The following KIF5C variants were observed in gnomAD, a reference collection of about 807,000 sequenced individuals.
KIF5C encodes kinesin family member 5C, also known as kinesin heavy chain isoform 5C.
In KIF5C, 18 loss-of-function variants were observed where a neutral mutation model predicts 125.2. The observed-to-expected ratio is 0.14, with a 90% CI of 0.10 to 0.21. The LOEUF (loss-of-function observed/expected upper bound fraction) is 0.21. KIF5C is among the 10% of genes least tolerant of loss of function. The probability of loss-of-function intolerance (pLI) is 1.00; values close to 1 mark genes in which losing one functional copy is unlikely to be tolerated. For synonymous variants in KIF5C, 405 were observed against 434.0 expected, an observed-to-expected ratio of 0.93 and a Z score of 0.83; for missense variants, 780 against 1,183.8, an observed-to-expected ratio of 0.66 and a Z score of 5.01.
intron 1 of KIF5C, among the ~76,000 whole-genome samples, chr2:148,882,400 C>T (rs1681391233): frequency 6.6e-6 from 1 of 152,192 alleles, no homozygotes; most frequent in South Asian, 2.1e-4. Context: ...TGTTGTCCGG[C>T]TGATTAATCT....
At chr2:148,973,655 A>G in intron 12 of KIF5C, 144 bp downstream of exon 12, 1 of 1,209,766 alleles carries the variant, frequency 8.3e-7, no homozygotes, top group Non-Finnish European at 1.1e-6. Flanking sequence ...TTGATGGTGC[A>G]GATTCAGGGA....
chr2:148,962,461 G>A (rs557233060), intron 11 of KIF5C, among the ~76,000 whole-genome samples: 78 of 152,042 alleles, frequency 5.1e-4, no homozygotes, highest in Non-Finnish European at 1.1e-3. Flanking sequence ...TTATAAACGT[G>A]AGCCACCGTG....
chr2:148,900,348 C>T (rs1680847916), intron 1 of KIF5C, among the ~76,000 whole-genome samples: 1 of 152,200 alleles, frequency 6.6e-6, no homozygotes, highest in East Asian at 1.9e-4. Context: ...GTGATCTAGT[C>T]ATGTAGGGAA....
intron 10 of KIF5C, 26 bp downstream of exon 10, chr2:148,950,488 C>G: frequency 6.2e-7 from 1 of 1,606,764 alleles, no homozygotes; most frequent in Non-Finnish European, 8.5e-7. Flanking sequence ...CAGGACCCAT[C>G]CTCTGTGCTA....
intron 1 of KIF5C, among the ~76,000 whole-genome samples, chr2:148,890,120 TG>T: frequency 6.6e-6 from 1 of 152,308 alleles, no homozygotes; most frequent in Non-Finnish European, 1.5e-5. Flanking sequence ...AACTGGTTTG[TG>T]AAAAATTTAC....
intron 1 of KIF5C, among the ~76,000 whole-genome samples, chr2:148,920,316 T>C (rs1248622405): frequency 6.6e-6 from 1 of 152,242 alleles, no homozygotes; most frequent in Non-Finnish European, 1.5e-5. Context: ...AGACAAACTC[T>C]GCAAATATTT....
chr2:148,991,642 T>C (rs1164962851), intron 16 of KIF5C, among the ~76,000 whole-genome samples: 2 of 152,178 alleles, frequency 1.3e-5, no homozygotes, highest in Admixed American at 6.5e-5. Flanking sequence ...GCTAAGTACT[T>C]CACATGCATT....
chr2:148,922,269 A>C lies in KIF5C; in HGVS notation c.217+42A>C, dbSNP rs372205595. 3.0e-6 allele frequency: 4 copies of C among 1,323,798 alleles called. No individual in the cohort carries two copies. The African/African-American group carries it at 5.8e-5, about 19-fold the overall frequency. The allele number at this position is 1,323,798 out of a possible 1,614,324, so 82.0% of individuals were successfully genotyped here. ...TATTTCCTCCTGGGCCATTCAGAGTAATTGAAAGCATTAAGTGATATTTGC... is the reference window on the plus strand; with the variant it reads ...TATTTCCTCCTGGGCCATTCAGAGTCATTGAAAGCATTAAGTGATATTTGC... On this transcript the variant is annotated intron_variant, in intron 2 of 25. Coordinates refer to ENST00000435030, the MANE Select transcript of KIF5C (RefSeq NM_004522.3).
intron 18 of KIF5C, 158 bp from the exon 19 acceptor site, chr2:148,998,242 G>T (rs1006545405): frequency 9.7e-6 from 12 of 1,233,034 alleles, no homozygotes; most frequent in Middle Eastern, 4.0e-4. Flanking sequence ...ATAAAGCAAG[G>T]CCGGGTCCTG....
chr2:148,977,721 G>A (rs1681114411), intron 12 of KIF5C, among the ~76,000 whole-genome samples: 1 of 152,172 alleles, frequency 6.6e-6, no homozygotes, highest in Non-Finnish European at 1.5e-5. Flanking sequence ...AAAGGACAAG[G>A]AGATTCAGAT....
intron 1 of KIF5C, among the ~76,000 whole-genome samples, chr2:148,917,839 T>C (rs1186783762): frequency 1.3e-5 from 2 of 152,242 alleles, no homozygotes; most frequent in South Asian, 4.1e-4. Context: ...GGCAGCCTTA[T>C]GCTACAATTC....
chr2:148,914,391 G>C (rs898171766), intron 1 of KIF5C, among the ~76,000 whole-genome samples: 1 of 152,232 alleles, frequency 6.6e-6, no homozygotes, highest in African/African-American at 2.4e-5. Flanking sequence ...CTTTATGCCT[G>C]TTAGCCAGGC....
intron 2 of KIF5C, among the ~76,000 whole-genome samples, chr2:148,925,614 A>G (rs1681960719): frequency 6.6e-6 from 1 of 152,130 alleles, no homozygotes; most frequent in African/African-American, 2.4e-5. Context: ...GGCTTGTCAG[A>G]CTGACTGACT....
intron 1 of KIF5C, 126 bp from the exon 2 acceptor site, chr2:148,922,011 C>A: frequency 1.8e-6 from 1 of 569,612 alleles, no homozygotes; most frequent in Non-Finnish European, 3.1e-6. Context: ...TGGTAATGAA[C>A]TGCCTTAAAG....
At chr2:148,999,359 C>A (rs1232297439) in intron 19 of KIF5C, among the ~76,000 whole-genome samples, 1 of 150,848 alleles carries the variant, frequency 6.6e-6, no homozygotes, top group Non-Finnish European at 1.5e-5. Flanking sequence ...GGTCACATTG[C>A]TAAATAGGAA....
Position 148,964,873 on chromosome 2 carries a change from A to G in KIF5C, c.1117+2754A>G, listed in dbSNP as rs75413764. Reference sequence around the variant, plus strand: ...GCATTTTTGAAGATCCATTGGCTGTATTGGAGAGTGGACTGCAGGTCGGAG... The same window carrying G: ...GCATTTTTGAAGATCCATTGGCTGTGTTGGAGAGTGGACTGCAGGTCGGAG... On this transcript the variant is annotated intron_variant, in intron 11 of 25. Coordinates refer to ENST00000435030, the MANE Select transcript of KIF5C (RefSeq NM_004522.3). Among the ~76,000 whole-genome samples, 961 of 152,158 alleles carry G rather than the reference A, an allele frequency of 6.3e-3. 19 individuals are homozygous for G. The Middle Eastern group carries it at 0.065, about 10-fold the overall frequency.
chr2:149,010,906 C>T (rs1216398133), intron 24 of KIF5C, among the ~76,000 whole-genome samples: 4 of 152,188 alleles, frequency 2.6e-5, no homozygotes, highest in Non-Finnish European at 5.9e-5. Flanking sequence ...GGGCATTTTG[C>T]CCATGTAGGA....
intron 11 of KIF5C, among the ~76,000 whole-genome samples, chr2:148,970,983 A>G (rs1680885135): frequency 6.6e-6 from 1 of 152,220 alleles, no homozygotes; most frequent in Non-Finnish European, 1.5e-5. Flanking sequence ...TGGTACAGCT[A>G]AGAATTTCAT....
chr2:148,973,432 T>A lies in KIF5C; in HGVS notation c.1214T>A (p.Val405Asp). The change falls in exon 12 of 26, where the codon GTT becomes GAT. Residue 405 changes from valine to aspartate, a missense_variant. Transcript: ENST00000435030. ...NTPIIDNIAPVVAGISTEEKE... is the reference protein window; with the variant it reads ...NTPIIDNIAPDVAGISTEEKE... Reference sequence around the variant, plus strand: ...CCCATCATAGACAATATTGCTCCTGTTGTTGCTGGCATCTCTACAGAGGAG... The same window carrying A: ...CCCATCATAGACAATATTGCTCCTGATGTTGCTGGCATCTCTACAGAGGAG... The A allele has an allele frequency of 6.2e-7, 1 of 1,613,710 alleles. No homozygotes were observed. The highest frequency in any genetic ancestry group is 8.5e-7 in the Non-Finnish European group (1 of 1,179,728).
Sources: allele counts gnomAD v4.1 joint callset (sites outside exome capture counted in the v4.1 genomes callset), GRCh38; gene constraint gnomAD v4.1.1; transcripts MANE v1.5; gene names NCBI Gene and HGNC (gene_info 2026-07-23, HGNC 2026-07-21).